MTCL2: variants seen among roughly 807,000 people sequenced by gnomAD.
MTCL2 encodes the protein microtubule crosslinking factor 2, also known as microtubule cross-linking factor 2.
the MTCL2 span, chr20:36,784,952 T>C: frequency 8.1e-6 from 8 of 985,324 alleles, no homozygotes; most frequent in African/African-American, 1.2e-4. Context: ...CTCCACACTC[T>C]TAATAGAGCT....
the MTCL2 span, among the ~76,000 whole-genome samples, chr20:36,856,553 C>G: frequency 2.0e-5 from 3 of 152,256 alleles, no homozygotes; most frequent in Admixed American, 6.5e-5. Flanking sequence ...CTCAGCCCCA[C>G]TGGCCCTGGG....
chr20:36,838,224 G>C, the MTCL2 span, among the ~76,000 whole-genome samples: 2 of 151,952 alleles, frequency 1.3e-5, no homozygotes, highest in Non-Finnish European at 2.9e-5. Context: ...CTAATTTTTT[G>C]TGTTTTCAGT....
the MTCL2 span, chr20:36,784,851 C>T: frequency 8.1e-6 from 8 of 985,360 alleles, no homozygotes; most frequent in South Asian, 3.3e-4. Flanking sequence ...CTGGGAGACA[C>T]TCAGGTTTAT....
chr20:36,799,605 C>T, the MTCL2 span, among the ~76,000 whole-genome samples: 1 of 152,226 alleles, frequency 6.6e-6, no homozygotes, highest in Non-Finnish European at 1.5e-5. Flanking sequence ...ATCACTTGAG[C>T]CTGGGAGGCG....
chr20:36,784,792 G>A, the MTCL2 span: 1 of 985,754 alleles, frequency 1.0e-6, no homozygotes, highest in Non-Finnish European at 1.2e-6. Flanking sequence ...ATAAGGCTAA[G>A]GAGAGAGGCT....
chr20:36,820,556 A>G, the MTCL2 span, among the ~76,000 whole-genome samples: 1 of 152,236 alleles, frequency 6.6e-6, no homozygotes, highest in African/African-American at 2.4e-5. Context: ...AAGAAGAAAG[A>G]AATGGCTGGG....
chr20:36,844,493 C>T, the MTCL2 span, among the ~76,000 whole-genome samples: 2 of 152,014 alleles, frequency 1.3e-5, no homozygotes, highest in South Asian at 4.1e-4. Context: ...TGGCCAGGTG[C>T]GGTGGCTCAT....
the MTCL2 span, chr20:36,815,058 T>C: frequency 1.4e-6 from 2 of 1,457,922 alleles, no homozygotes; most frequent in Admixed American, 2.3e-5. This position sits in a 1 kb window ranked among gnomAD's most constrained non-coding sequence, Gnocchi z 5.3. Flanking sequence ...AGAGACCCTA[T>C]CTCAAGAAAA....
chr20:36,827,812 G>C, the MTCL2 span, among the ~76,000 whole-genome samples: 1 of 152,178 alleles, frequency 6.6e-6, no homozygotes, highest in African/African-American at 2.4e-5. Flanking sequence ...GATGCTTTCA[G>C]AAATTGTCTC....
chr20:36,824,589 G>A, the MTCL2 span, among the ~76,000 whole-genome samples: 5 of 152,114 alleles, frequency 3.3e-5, no homozygotes, highest in East Asian at 1.9e-4. Flanking sequence ...TAATGGTGAC[G>A]CTACAAAACA....
the MTCL2 span, chr20:36,796,929 G>A: frequency 6.2e-7 from 1 of 1,613,980 alleles, no homozygotes; most frequent in Admixed American, 1.7e-5. Context: ...CAGCCTCCTT[G>A]TCGTGGATCT....
the MTCL2 span, among the ~76,000 whole-genome samples, chr20:36,850,221 T>C: frequency 1.5e-4 from 23 of 152,076 alleles, no homozygotes; most frequent in African/African-American, 5.6e-4. Context: ...ACTCCACACC[T>C]GTTTCCCACC....
chr20:36,857,203 T>C, the MTCL2 span, among the ~76,000 whole-genome samples: 1 of 152,124 alleles, frequency 6.6e-6, no homozygotes, highest in Non-Finnish European at 1.5e-5. Flanking sequence ...TAAGTCTGAG[T>C]GTGTCTGCAG....
the MTCL2 span, among the ~76,000 whole-genome samples, chr20:36,821,255 C>G: frequency 1.3e-5 from 2 of 152,226 alleles, no homozygotes; most frequent in Non-Finnish European, 2.9e-5. Context: ...GATGCAGTGG[C>G]TCACGCCTAT....
chr20:36,839,899 T>C, the MTCL2 span, among the ~76,000 whole-genome samples: 101 of 152,312 alleles, frequency 6.6e-4, no homozygotes, highest in Non-Finnish European at 1.1e-3. This position sits in a 1 kb window ranked among gnomAD's most constrained non-coding sequence, Gnocchi z 5.1. Context: ...TCTCACTCTG[T>C]TGCCCAGGCT....
chr20:36,833,129 C>G, the MTCL2 span, among the ~76,000 whole-genome samples: 1 of 152,236 alleles, frequency 6.6e-6, no homozygotes, highest in Non-Finnish European at 1.5e-5. Context: ...GGTTTGAAAT[C>G]GAGTGGGTCA....
the MTCL2 span, among the ~76,000 whole-genome samples, chr20:36,854,327 A>G: frequency 6.6e-6 from 1 of 152,114 alleles, no homozygotes; most frequent in Non-Finnish European, 1.5e-5. Context: ...TCATTACCCC[A>G]TTAATAATCT....
the MTCL2 span, among the ~76,000 whole-genome samples, chr20:36,826,111 A>G: frequency 6.6e-6 from 1 of 150,754 alleles, no homozygotes; most frequent in African/African-American, 2.4e-5. Context: ...GGTTCATGCC[A>G]TTCTCCTGCC....
the MTCL2 span, chr20:36,805,789 T>G: frequency 7.3e-7 from 1 of 1,371,232 alleles, no homozygotes; most frequent in Non-Finnish European, 9.9e-7. Context: ...CAGTAGGAAT[T>G]GATTACTGAG....
Sources: gnomAD v4.1 joint callset for allele counts (sites outside exome capture counted in the v4.1 genomes callset) on GRCh38, gnomAD v4.1.1 for gene constraint, Gnocchi (gnomAD v3.1) non-coding constraint, MANE v1.5 for transcripts, NCBI Gene and HGNC (gene_info 2026-07-23, HGNC 2026-07-21) for gene names.